The following XKR9 variants were observed in gnomAD, a reference collection of about 807,000 sequenced individuals.
XKR9 encodes XK related 9.
XKR9 carries 32 observed loss-of-function variants against 32.0 expected under a neutral mutation model. The observed-to-expected ratio is 1.00, with a 90% CI of 0.76 to 1.34. The LOEUF is 1.34. Ranked by LOEUF, XKR9 falls within the 40% of genes most tolerant of loss-of-function variation. XKR9 has a pLI of 0.00. For missense variants in XKR9, 546 were observed against 429.7 expected, an observed-to-expected ratio of 1.27 and a Z score of -2.39; for synonymous variants, 168 against 143.4, an observed-to-expected ratio of 1.17 and a Z score of -1.22.
At chr8:71,040,645 C>T in the XKR9 span, among the ~76,000 whole-genome samples, 2 of 152,012 alleles carry the variant, frequency 1.3e-5, no homozygotes, top group African/African-American at 2.4e-5. Context: ...TGTTCTGTTT[C>T]ATCATTATTA....
the XKR9 span, among the ~76,000 whole-genome samples, chr8:70,994,747 G>GTT: frequency 4.1e-4 from 52 of 126,886 alleles, no homozygotes; most frequent in African/African-American, 1.4e-3. Context: ...GTTATATTCT[G>GTT]TTTTTTTTTT....
chr8:70,743,973 G>A (rs1002295596), intron 2 of XKR9, among the ~76,000 whole-genome samples: 1 of 151,934 alleles, frequency 6.6e-6, no homozygotes, highest in Non-Finnish European at 1.5e-5. Context: ...TTTGTGAGAC[G>A]ATTTGTGCAG....
chr8:70,753,359 CT>C (rs1446132790), intron 2 of XKR9, among the ~76,000 whole-genome samples: 1 of 151,788 alleles, frequency 6.6e-6, no homozygotes, highest in East Asian at 1.9e-4. Flanking sequence ...GGTACCATTC[CT>C]TCTGAAACTA....
chr8:71,005,800 T>G, the XKR9 span, among the ~76,000 whole-genome samples: 1 of 152,212 alleles, frequency 6.6e-6, no homozygotes, highest in East Asian at 1.9e-4. Flanking sequence ...ACAAGGGCAG[T>G]GCATCCTCAT....
chr8:71,041,924 T>C, the XKR9 span, among the ~76,000 whole-genome samples: 1 of 152,216 alleles, frequency 6.6e-6, no homozygotes. Context: ...TTTACAGCAG[T>C]GTGAAAATGG....
the XKR9 span, among the ~76,000 whole-genome samples, chr8:70,968,852 T>C: frequency 6.6e-6 from 1 of 152,212 alleles, no homozygotes; most frequent in South Asian, 2.1e-4. Context: ...ACAGACCTGA[T>C]GCTTCCCGCA....
At chr8:71,027,762 CTCTT>C in the XKR9 span, among the ~76,000 whole-genome samples, 2 of 135,434 alleles carry the variant, frequency 1.5e-5, no homozygotes. Flanking sequence ...CTTTTTCTCT[CTCTT>C]TCTTTTTTTT....
downstream of XKR9, among the ~76,000 whole-genome samples, chr8:70,792,031 C>T (rs974251697): frequency 3.3e-5 from 5 of 152,050 alleles, no homozygotes; most frequent in African/African-American, 4.8e-5. Flanking sequence ...CACACTTCTC[C>T]TCTGTCCAAG....
chr8:70,905,035 T>G, the XKR9 span, among the ~76,000 whole-genome samples: 1 of 152,258 alleles, frequency 6.6e-6, no homozygotes, highest in East Asian at 1.9e-4. Flanking sequence ...TCGACCTTTC[T>G]CTCTGGCTGC....
the XKR9 span, among the ~76,000 whole-genome samples, chr8:70,877,807 G>A: frequency 2.0e-5 from 3 of 152,112 alleles, no homozygotes; most frequent in African/African-American, 7.2e-5. Context: ...AGGAAATACA[G>A]AGAACACCTC....
At chr8:71,004,139 ATGT>A in the XKR9 span, among the ~76,000 whole-genome samples, 2 of 152,330 alleles carry the variant, frequency 1.3e-5, no homozygotes, top group East Asian at 3.9e-4. Flanking sequence ...GTGGAGGACC[ATGT>A]TGTGAATCAT....
At chr8:70,901,106 C>G in the XKR9 span, among the ~76,000 whole-genome samples, 1 of 152,142 alleles carries the variant, frequency 6.6e-6, no homozygotes, top group Non-Finnish European at 1.5e-5. Flanking sequence ...GTGAATAGTG[C>G]TTCAATAAAC....
At chr8:70,962,126 T>C in the XKR9 span, among the ~76,000 whole-genome samples, 6 of 152,208 alleles carry the variant, frequency 3.9e-5, no homozygotes, top group African/African-American at 1.4e-4. Flanking sequence ...ACTAGAGATA[T>C]TCGTTTACTT....
At chr8:70,846,220 G>C in the XKR9 span, among the ~76,000 whole-genome samples, 1 of 152,074 alleles carries the variant, frequency 6.6e-6, no homozygotes, top group Non-Finnish European at 1.5e-5. Context: ...CTTCATAAAT[G>C]AAGGCGAAAG....
chr8:70,852,923 C>A, the XKR9 span, among the ~76,000 whole-genome samples: 2 of 146,690 alleles, frequency 1.4e-5, no homozygotes, highest in Non-Finnish European at 3.0e-5. Context: ...ATGGGTGCAG[C>A]AAACCACCAT....
the XKR9 span, among the ~76,000 whole-genome samples, chr8:70,986,787 G>A: frequency 6.6e-6 from 1 of 152,184 alleles, no homozygotes; most frequent in African/African-American, 2.4e-5. Flanking sequence ...CAGTACTTTT[G>A]ATAGACTTTG....
At chr8:70,899,283 T>C in the XKR9 span, among the ~76,000 whole-genome samples, 14 of 151,744 alleles carry the variant, frequency 9.2e-5, no homozygotes, top group Non-Finnish European at 8.8e-5. Context: ...ATTACTTTCA[T>C]TGAATTTTTT....
At chr8:70,904,305 T>C in the XKR9 span, among the ~76,000 whole-genome samples, 1 of 152,222 alleles carries the variant, frequency 6.6e-6, no homozygotes, top group East Asian at 1.9e-4. Flanking sequence ...TGCTCCTGTA[T>C]TGGGTGCATG....
At chr8:70,739,160 G>C (rs971708598), downstream of XKR9, among the ~76,000 whole-genome samples, 9 of 151,916 alleles carry the variant, frequency 5.9e-5, no homozygotes, top group African/African-American at 2.2e-4. Flanking sequence ...TCCTGTATTG[G>C]GTGTATATAT....
Sources: gnomAD v4.1 joint callset for allele counts (sites outside exome capture counted in the v4.1 genomes callset) on GRCh38, gnomAD v4.1.1 for gene constraint, MANE v1.5 for transcripts, NCBI Gene and HGNC (gene_info 2026-07-23, HGNC 2026-07-21) for gene names.